ULK4: variants seen among roughly 807,000 people sequenced by gnomAD.
The protein encoded by ULK4 is inactive serine/threonine-protein kinase ULK4.
In ULK4, 133 loss-of-function variants were observed where a neutral mutation model predicts 160.6. That is an observed-to-expected ratio of 0.83 (90% CI 0.72 to 0.96). The LOEUF (loss-of-function observed/expected upper bound fraction) is 0.96. Among genes scored for constraint, ULK4 ranks in the 40% least tolerant of loss-of-function variants. ULK4 has a pLI of 0.00. For missense variants in ULK4, 1,580 were observed against 1,499.5 expected, an observed-to-expected ratio of 1.05 and a Z score of -0.89; for synonymous variants, 534 against 539.8, an observed-to-expected ratio of 0.99 and a Z score of 0.15.
At chr3:41,624,475 A>C (rs2033397338) in intron 30 of ULK4, among the ~76,000 whole-genome samples, 1 of 152,094 alleles carries the variant, frequency 6.6e-6, no homozygotes, top group Non-Finnish European at 1.5e-5. Flanking sequence ...CTTCTTAAGA[A>C]CTGCAGCTAG....
chr3:41,630,572 C>T (rs539753822), intron 30 of ULK4, among the ~76,000 whole-genome samples: 1 of 152,306 alleles, frequency 6.6e-6, no homozygotes, highest in Non-Finnish European at 1.5e-5. Flanking sequence ...AGATAATCTC[C>T]ATATTTTAAG....
intron 31 of ULK4, among the ~76,000 whole-genome samples, chr3:41,611,461 T>C (rs1053974903): frequency 6.6e-6 from 1 of 152,216 alleles, no homozygotes; most frequent in African/African-American, 2.4e-5. Flanking sequence ...CTGAATGTGA[T>C]GTTAGAACTC....
chr3:41,861,173 A>T (rs894702069), intron 17 of ULK4, among the ~76,000 whole-genome samples: 3 of 152,136 alleles, frequency 2.0e-5, no homozygotes, highest in South Asian at 4.1e-4. Flanking sequence ...CTTATAGTAG[A>T]AGTAGTTTAC....
At chr3:41,393,141 A>G (rs1175057182) in intron 35 of ULK4, among the ~76,000 whole-genome samples, 1 of 152,192 alleles carries the variant, frequency 6.6e-6, no homozygotes, top group Non-Finnish European at 1.5e-5. Flanking sequence ...TGGACTGAAG[A>G]CCACAAGTGA....
chr3:41,640,102 T>C (rs1382669709), intron 30 of ULK4, among the ~76,000 whole-genome samples: 2 of 152,152 alleles, frequency 1.3e-5, no homozygotes, highest in South Asian at 2.1e-4. Context: ...ATAATCATCA[T>C]CTTCTCATGG....
chr3:41,696,961 G>C (rs892631234), intron 27 of ULK4, among the ~76,000 whole-genome samples: 10 of 152,118 alleles, frequency 6.6e-5, no homozygotes, highest in African/African-American at 2.4e-4. Flanking sequence ...GTTGGAAAAG[G>C]CAAGGAAGGA....
rs1469891009 is a variant in ULK4, at chr3:41,644,775, T to C, written c.3071+18832A>G. On this transcript the variant is annotated intron_variant, in intron 30 of 36. Coordinates refer to ENST00000301831, the MANE Select transcript of ULK4 (RefSeq NM_017886.4). ...ATAGTTTCAGAAGGAATGGTACCAG[T>C]TCCTCCTTGTACCTCTGGTAGAATT... Among the ~76,000 whole-genome samples, 57 of 150,642 alleles carry C rather than the reference T, an allele frequency of 3.8e-4. 1 individual carries two copies. In the East Asian group the frequency reaches 9.8e-3, roughly 26 times the overall value.
rs73830516 is a variant in ULK4, at chr3:41,834,564, A to C, written c.1764+1300T>G. ...ACACTCACAAAAACAAAGAATGAAG[A>C]GGACGGATTTGCTGTACCAGCTATC... On this transcript the variant is annotated intron_variant, in intron 18 of 36. Transcript: ENST00000301831. Among the ~76,000 whole-genome samples, 598 of 152,298 alleles carry C rather than the reference A, an allele frequency of 3.9e-3. 2 individuals carry two copies. The highest frequency in any genetic ancestry group is 0.014 in the African/African-American group (581 of 41,572).
At chr3:41,771,802 T>C (rs939573499) in intron 21 of ULK4, among the ~76,000 whole-genome samples, 1 of 152,166 alleles carries the variant, frequency 6.6e-6, no homozygotes, top group Admixed American at 6.5e-5. Flanking sequence ...ATAATACCAA[T>C]CCTTTTATTT....
rs1262706467 is a variant in ULK4, at chr3:41,716,092, A to T, written c.2456-524T>A. 2.0e-5 allele frequency among the ~76,000 whole-genome samples: 3 copies of T among 151,380 alleles called. No homozygotes were observed. In the East Asian group the frequency reaches 5.8e-4, roughly 29 times the overall value. ...CCTGGGCATGATGGTGTGCGCCTGT[A>T]GTCCCAGCTACTTGGGAGGCTGAGG... is the stretch of plus-strand genomic sequence containing the variant. On this transcript the variant is annotated intron_variant, in intron 23 of 36. Transcript: ENST00000301831.
At position 41,860,416 on chromosome 3, in the gene ULK4, T is replaced by C. The variant is rs75573707; in HGVS notation, c.1656+23458A>G. Among the ~76,000 whole-genome samples the C allele has an allele frequency of 7.8e-3, 1,182 of 152,310 alleles. 45 individuals carry two copies. In the East Asian group the frequency reaches 0.12, roughly 16 times the overall value. ...TCTAGGTGCTCCAGTGTTGGGTACA[T>C]ATATATTTTACATTGTTATATCACC... is the stretch of plus-strand genomic sequence containing the variant. On this transcript the variant is annotated intron_variant, in intron 17 of 36. Coordinates refer to ENST00000301831, the MANE Select transcript of ULK4 (RefSeq NM_017886.4).
intron 25 of ULK4, among the ~76,000 whole-genome samples, chr3:41,711,407 G>A (rs892915559): frequency 1.4e-4 from 21 of 151,906 alleles, no homozygotes; most frequent in Admixed American, 5.2e-4. Context: ...TCCCCAACAG[G>A]GGCTGAAAAA....
intron 31 of ULK4, among the ~76,000 whole-genome samples, chr3:41,609,709 C>T (rs895856693): frequency 1.3e-5 from 2 of 152,174 alleles, no homozygotes; most frequent in African/African-American, 4.8e-5. Context: ...CAGTGGCTTA[C>T]ATCTGTAATC....
chr3:41,662,639 TA>T (rs2125760981), intron 30 of ULK4, among the ~76,000 whole-genome samples: 2 of 152,306 alleles, frequency 1.3e-5, no homozygotes, highest in East Asian at 3.9e-4. Flanking sequence ...AGTTATTTGC[TA>T]AAGACCAACT....
intron 21 of ULK4, among the ~76,000 whole-genome samples, chr3:41,759,170 A>G (rs2038905120): frequency 6.6e-6 from 1 of 152,186 alleles, no homozygotes; most frequent in Non-Finnish European, 1.5e-5. Context: ...TATTTTACTG[A>G]AAGCTATAGC....
At chr3:41,911,443 C>T (rs1698781217) in intron 10 of ULK4, 57 bp from the exon 11 acceptor site, 3 of 1,594,114 alleles carry the variant, frequency 1.9e-6, no homozygotes, top group African/African-American at 1.3e-5. Flanking sequence ...ATATGCAAGG[C>T]ATAACGTACA....
intron 30 of ULK4, among the ~76,000 whole-genome samples, chr3:41,645,290 G>A (rs1257854114): frequency 6.6e-6 from 1 of 151,448 alleles, no homozygotes; most frequent in African/African-American, 2.4e-5. Flanking sequence ...ATGTTAGGGT[G>A]TCAATATTGG....
intron 27 of ULK4, among the ~76,000 whole-genome samples, chr3:41,701,636 C>T (rs2036678631): frequency 6.6e-6 from 1 of 151,922 alleles, no homozygotes; most frequent in Non-Finnish European, 1.5e-5. Flanking sequence ...AAGAAGCATA[C>T]AAAAGTAGTA....
chr3:41,332,995 A>G (rs1339112008), intron 35 of ULK4, among the ~76,000 whole-genome samples: 1 of 152,230 alleles, frequency 6.6e-6, no homozygotes, highest in Non-Finnish European at 1.5e-5. Flanking sequence ...TTTTCCAACA[A>G]AGCATTGCAC....
Sources: allele counts gnomAD v4.1 joint callset (sites outside exome capture counted in the v4.1 genomes callset), GRCh38; gene constraint gnomAD v4.1.1; transcripts MANE v1.5; gene names NCBI Gene and HGNC (gene_info 2026-07-23, HGNC 2026-07-21).